Variants in FGFR3 observed in about 807,000 individuals in gnomAD.
The protein encoded by FGFR3 is fibroblast growth factor receptor 3, also known as FGFR-3.
A neutral mutation model predicts 82.9 loss-of-function variants in FGFR3; 25 were observed. The observed-to-expected ratio is 0.30, with a 90% CI of 0.22 to 0.42. The LOEUF (loss-of-function observed/expected upper bound fraction) is 0.42, where lower values mean the gene tolerates loss of function less well. FGFR3 is among the 10% of genes least tolerant of loss of function. The probability of loss-of-function intolerance (pLI) is 1.00; values close to 1 mark genes in which losing one functional copy is unlikely to be tolerated. For synonymous variants in FGFR3, 620 were observed against 516.0 expected, an observed-to-expected ratio of 1.20 and a Z score of -2.73; for missense variants, 1,026 against 1,161.0, an observed-to-expected ratio of 0.88 and a Z score of 1.69.
Position 1,793,341 on chromosome 4 carries a change from G to A in FGFR3, c.-227G>A. ...CGGGCAGCTGGCGCCGCGCGGTCCT[G>A]CTCTGCCGGTCGCACGGACGCACCG... On this transcript the variant is annotated 5_prime_UTR_variant, in exon 1 of 18. Transcript: ENST00000440486. 6.8e-6 allele frequency: 1 copy of A among 148,024 alleles called. No individual in the cohort carries two copies. The highest frequency in any genetic ancestry group is 1.5e-5 in the Non-Finnish European group (1 of 66,556). The allele number at this position is 148,024 out of a possible 1,614,324, so 9.2% of individuals were successfully genotyped here. A position where few individuals can be genotyped will look rare whatever the true frequency, so the allele number is the denominator to read the frequency against.
intron 2 of FGFR3, 79 bp downstream of exon 2, chr4:1,794,122 C>T (rs1720176231): frequency 3.8e-6 from 3 of 797,120 alleles, no homozygotes; most frequent in Admixed American, 4.4e-5. Flanking sequence ...GGCCCCGGGT[C>T]GGAGGGGCCG....
chr4:1,801,818 G>T lies in FGFR3; in HGVS notation c.740-17G>T. On this transcript the variant is annotated splice_polypyrimidine_tract_variant and intron_variant, in intron 6 of 17. Coordinates refer to ENST00000440486, the MANE Select transcript of FGFR3 (RefSeq NM_000142.5). ...GTGAGGGAGGGGGTGGCCCCTGAGC[G>T]TCATCTGCCCCCACAGAGCGCTCCC... 1.2e-6 allele frequency: 2 copies of T among 1,603,618 alleles called. No individual in the cohort carries two copies. The highest frequency in any genetic ancestry group is 2.2e-5 in the South Asian group (2 of 90,612).
In FGFR3 at chr4:1,805,510, G is replaced by T. The variant is rs767681350; in HGVS notation, c.1534+34G>T. Reference sequence around the variant, plus strand: ...GGGGCGGCCAGGGGTGCAGAGCAGGGCTGGGGGCGCCGCCGCCGCCTGACA... The same window carrying T: ...GGGGCGGCCAGGGGTGCAGAGCAGGTCTGGGGGCGCCGCCGCCGCCTGACA... On this transcript the variant is annotated intron_variant, in intron 11 of 17. Coordinates refer to ENST00000440486, the MANE Select transcript of FGFR3 (RefSeq NM_000142.5). 44 of 1,612,342 alleles carry T rather than the reference G, an allele frequency of 2.7e-5. No individual in the cohort carries two copies. In the South Asian group the frequency reaches 4.3e-4, roughly 16 times the overall value.
rs121913114 is a variant in FGFR3 at position 1,801,930 on chromosome 4, A to G, written c.835A>G (p.Ser279Gly). The change falls in exon 7 of 18, where the codon AGT becomes GGT. Residue 279 changes from serine to glycine, a missense_variant. By Grantham distance (56) the Ser-to-Gly change is moderately conservative. This residue lies in a region of FGFR3 where 147 missense variants were observed against 228.1 expected (regional missense o/e 0.64). Transcript: ENST00000440486. ...SDVEFHCKVYSDAQPHIQWLK... is the reference protein window; with the variant it reads ...SDVEFHCKVYGDAQPHIQWLK... ...CGTGGAGTTCCACTGCAAGGTGTAC[A>G]GTGACGCACAGCCCCACATCCAGTG... 5.0e-6 allele frequency: 8 copies of G among 1,612,694 alleles called. 1 individual carries two copies. The highest frequency in any genetic ancestry group is 3.3e-5 in the South Asian group (3 of 91,084).
In FGFR3 at chr4:1,805,072, G is replaced by A. The variant is rs1721712882; in HGVS notation, c.1412+103G>A. 4 of 1,436,082 alleles carry A rather than the reference G, an allele frequency of 2.8e-6. No individual in the cohort carries two copies. In the South Asian group the frequency reaches 4.2e-5, roughly 15 times the overall value. The allele number at this position is 1,436,082 out of a possible 1,614,324, so 89.0% of individuals were successfully genotyped here. ...GCTGGGTTTAGGGGCCGTCAGGGAT[G>A]TGGCGGATGTTGGGTGTGGCTGGGG... is the stretch of plus-strand genomic sequence containing the variant. On this transcript the variant is annotated intron_variant, in intron 10 of 17. Coordinates refer to ENST00000440486, the MANE Select transcript of FGFR3 (RefSeq NM_000142.5).
chr4:1,806,777 C>G (rs2108813564), intron 16 of FGFR3, 52 bp from the exon 17 acceptor site: 2 of 1,593,748 alleles, frequency 1.3e-6, no homozygotes, highest in African/African-American at 1.3e-5. Flanking sequence ...TCAGGCTGTT[C>G]CCGAATAAGG....
At position 1,805,951 on chromosome 4, in the gene FGFR3, C is replaced by T. The variant is rs112949422; in HGVS notation, c.1836+11C>T. On this transcript the variant is annotated intron_variant, in intron 13 of 17. Coordinates refer to ENST00000440486, the MANE Select transcript of FGFR3 (RefSeq NM_000142.5). Reference sequence around the variant, plus strand: ...TTGGCCTCCCAGAAGGTGGGCAGGGCGGCAGGTGTGGGTGGAGTAGGCTGG... The same window carrying T: ...TTGGCCTCCCAGAAGGTGGGCAGGGTGGCAGGTGTGGGTGGAGTAGGCTGG... The T allele has an allele frequency of 8.1e-5, 130 of 1,607,052 alleles. No individual in the cohort carries two copies. The highest frequency in any genetic ancestry group is 3.7e-4 in the Admixed American group (22 of 59,818).
intron 4 of FGFR3, 85 bp from the exon 5 acceptor site, chr4:1,801,282 C>G (rs111973168): frequency 5.6e-6 from 8 of 1,427,126 alleles, no homozygotes; most frequent in African/African-American, 1.4e-5. Flanking sequence ...TGGGGATGGG[C>G]AGGGGCAGCT....
Position 1,808,474 on chromosome 4 carries a change from C to G in FGFR3, c.*1212C>G, listed in dbSNP as rs1380357560. On this transcript the variant is annotated 3_prime_UTR_variant, in exon 18 of 18. Coordinates refer to ENST00000440486, the MANE Select transcript of FGFR3 (RefSeq NM_000142.5). ...TTGCTGTGTGTCCCAGGCAGGGAGA[C>G]GGTTTCCAGGGAGGGGCCGGCCCTG... 1 of 231,900 alleles carries G rather than the reference C, an allele frequency of 4.3e-6. No individual in the cohort carries two copies. The highest frequency in any genetic ancestry group is 8.5e-6 in the Non-Finnish European group (1 of 117,078). The allele number at this position is 231,900 out of a possible 1,614,324, so 14.4% of individuals were successfully genotyped here.
chr4:1,803,947 T>C, intron 8 of FGFR3, 111 bp downstream of exon 8: 3 of 1,240,236 alleles, frequency 2.4e-6, no homozygotes, highest in Non-Finnish European at 3.5e-6. Flanking sequence ...GCCGTCCCGC[T>C]TCTTGAGCCC....
At chr4:1,802,870 G>T (rs763664674) in intron 7 of FGFR3, 22 of 1,551,062 alleles carry the variant, frequency 1.4e-5, no homozygotes, top group Admixed American at 6.0e-5. Flanking sequence ...GCCCGGCGGG[G>T]CTGCCTCGGG....
At position 1,796,564 on chromosome 4, in the gene FGFR3, G is replaced by A. The variant is rs548442919; in HGVS notation, c.109+2521G>A. Among the ~76,000 whole-genome samples the A allele has an allele frequency of 1.1e-4, 17 of 152,242 alleles. No homozygotes were observed. In the East Asian group the frequency reaches 1.3e-3, roughly 12 times the overall value. ...ATAAACCCCTGGGGCAGCCAGCTCC[G>A]GAAGCGAGTCTGGATTTGATCCTTG... On this transcript the variant is annotated intron_variant, in intron 2 of 17. Coordinates refer to ENST00000440486, the MANE Select transcript of FGFR3 (RefSeq NM_000142.5).
intron 8 of FGFR3, 56 bp from the exon 9 acceptor site, chr4:1,804,274 T>G (rs1291189137): frequency 5.2e-6 from 8 of 1,535,064 alleles, no homozygotes; most frequent in Non-Finnish European, 7.0e-6. Flanking sequence ...GGGGCATCCA[T>G]GGGAGCCCCG....
chr4:1,805,983 C>T (rs1226577253), intron 13 of FGFR3, 43 bp downstream of exon 13: 1 of 1,610,256 alleles, frequency 6.2e-7, no homozygotes, highest in Middle Eastern at 1.7e-4. Context: ...CTGGGCCCTG[C>T]CCTGAGATGC....
In FGFR3 at chr4:1,807,750, C is replaced by A; in HGVS notation, c.*488C>A. 3.4e-6 allele frequency: 2 copies of A among 586,954 alleles called. No individual in the cohort carries two copies. Among genetic ancestry groups the A allele is most frequent in the East Asian group, 3.4e-5 (1 of 29,526 alleles). The allele number at this position is 586,954 out of a possible 1,614,324, so 36.4% of individuals were successfully genotyped here. ...CTGGGGTGTTAGTGGCACCGCCTCC[C>A]CACCTCCAGGCTTTCCCACTTCCCA... On this transcript the variant is annotated 3_prime_UTR_variant, in exon 18 of 18. Transcript: ENST00000440486.
rs371766123 is a variant in FGFR3 at position 1,801,694 on chromosome 4, G to A, written c.690G>A (p.Val230=). Residue 230 remains valine, a synonymous_variant, in exon 6 of 18, where the codon GTG becomes GTA. Coordinates refer to ENST00000440486, the MANE Select transcript of FGFR3 (RefSeq NM_000142.5). ...PSDRGNYTCV[V]ENKFGSIRQT... is the part of the protein sequence containing the mutation. ...ACCGCGGCAACTACACCTGCGTCGT[G>A]GAGAACAAGTTTGGCAGCATCCGGC... 1.1e-5 allele frequency: 17 copies of A among 1,610,908 alleles called. No homozygotes were observed. Among genetic ancestry groups the A allele is most frequent in the Non-Finnish European group, 1.4e-5 (16 of 1,179,270 alleles).
At chr4:1,803,485 G>A (rs1721462037) in intron 7 of FGFR3, among the ~76,000 whole-genome samples, 1 of 152,250 alleles carries the variant, frequency 6.6e-6, no homozygotes, top group Non-Finnish European at 1.5e-5. Flanking sequence ...CAGAGGACTC[G>A]CCGGTGGAGG....
intron 2 of FGFR3, among the ~76,000 whole-genome samples, chr4:1,795,889 C>G (rs1720452782): frequency 6.6e-6 from 1 of 152,196 alleles, no homozygotes; most frequent in Admixed American, 6.5e-5. Flanking sequence ...GCGTGGGCCT[C>G]TGGGTGGTTC....
Position 1,805,942 on chromosome 4 carries a change from TG to T in FGFR3, c.1836+5del. 1.2e-6 allele frequency: 2 copies of T among 1,607,512 alleles called. No homozygotes were observed. The highest frequency in any genetic ancestry group is 1.7e-6 in the Non-Finnish European group (2 of 1,175,810). ...ATGGAGTACTTGGCCTCCCAGAAGG[TG>T]GGCAGGGCGGCAGGTGTGGGTGGAG... On this transcript the variant is annotated splice_donor_region_variant and intron_variant, in intron 13 of 17. Transcript: ENST00000440486.
Sources: gnomAD v4.1 joint callset for allele counts (sites outside exome capture counted in the v4.1 genomes callset) on GRCh38, gnomAD v4.1.1 for gene constraint, gnomAD v4.1.1 regional missense constraint, MANE v1.5 for transcripts, NCBI Gene and HGNC (gene_info 2026-07-23, HGNC 2026-07-21) for gene names.